The following CNTNAP2 variants were observed in gnomAD, a reference collection of about 807,000 sequenced individuals.
The protein encoded by CNTNAP2 is contactin-associated protein-like 2.
CNTNAP2 carries 98 observed loss-of-function variants against 155.2 expected under a neutral mutation model. The ratio of observed to expected loss-of-function variants is 0.63; its 90% CI spans 0.54 to 0.75. CNTNAP2 has a LOEUF of 0.75. Among genes scored for constraint, CNTNAP2 ranks in the 30% least tolerant of loss-of-function variants. The pLI is 0.00. For missense variants in CNTNAP2, 1,727 were observed against 1,688.1 expected (o/e 1.02, Z -0.40); for synonymous variants, 651 against 631.2 (o/e 1.03, Z -0.47).
At chr7:147,809,398 G>A (rs760581275) in intron 13 of CNTNAP2, among the ~76,000 whole-genome samples, 9 of 152,168 alleles carry the variant, frequency 5.9e-5, no homozygotes, top group African/African-American at 1.9e-4. Context: ...ATAGTGAAAG[G>A]TGCATTTTTT....
intron 8 of CNTNAP2, among the ~76,000 whole-genome samples, chr7:147,166,471 A>G (rs917220397): frequency 3.9e-5 from 6 of 152,126 alleles, no homozygotes; most frequent in African/African-American, 1.4e-4. Flanking sequence ...GTGCACCAAA[A>G]TCTCACAAAT....
chr7:147,307,096 G>A (rs867288908), intron 9 of CNTNAP2, among the ~76,000 whole-genome samples: 2 of 152,150 alleles, frequency 1.3e-5, no homozygotes, highest in African/African-American at 4.8e-5. Flanking sequence ...TGAAGCATAA[G>A]CTTAAAACCA....
chr7:148,342,154 T>C (rs1379115098), intron 21 of CNTNAP2, among the ~76,000 whole-genome samples: 1 of 152,248 alleles, frequency 6.6e-6, no homozygotes, highest in Non-Finnish European at 1.5e-5. Context: ...TCTGCTGCGG[T>C]GGTTTATCAT....
At chr7:147,757,249 T>C (rs1487746756) in intron 13 of CNTNAP2, among the ~76,000 whole-genome samples, 1 of 152,230 alleles carries the variant, frequency 6.6e-6, no homozygotes, top group Non-Finnish European at 1.5e-5. Flanking sequence ...CCTAACTCTT[T>C]GCTTGCCTGA....
chr7:146,527,196 C>T (rs2129138399), intron 1 of CNTNAP2, among the ~76,000 whole-genome samples: 1 of 152,128 alleles, frequency 6.6e-6, no homozygotes, highest in East Asian at 1.9e-4. Flanking sequence ...GAAAGCTCCA[C>T]AATTGGAATC....
At chr7:147,798,381 C>A (rs1331255047) in intron 13 of CNTNAP2, among the ~76,000 whole-genome samples, 2 of 152,090 alleles carry the variant, frequency 1.3e-5, no homozygotes, top group Non-Finnish European at 2.9e-5. Context: ...CCAAATAAAA[C>A]TGACTTAAAA....
chr7:147,310,259 G>T (rs1452142290), intron 9 of CNTNAP2, among the ~76,000 whole-genome samples: 1 of 152,018 alleles, frequency 6.6e-6, no homozygotes, highest in African/African-American at 2.4e-5. Context: ...CAGATTTAAG[G>T]AATGATTACA....
chr7:148,194,858 T>C (rs1266914073), intron 18 of CNTNAP2, among the ~76,000 whole-genome samples: 1 of 152,190 alleles, frequency 6.6e-6, no homozygotes, highest in Admixed American at 6.5e-5. Flanking sequence ...TCTACTATAC[T>C]CAGCCTACTG....
intron 1 of CNTNAP2, among the ~76,000 whole-genome samples, chr7:146,157,643 C>T (rs1426085571): frequency 6.6e-6 from 1 of 152,124 alleles, no homozygotes; most frequent in East Asian, 1.9e-4. Context: ...ACTGCTAGCA[C>T]AGCAGTCTGA....
intron 8 of CNTNAP2, among the ~76,000 whole-genome samples, chr7:147,260,533 T>C (rs185382215): frequency 2.6e-5 from 4 of 152,284 alleles, no homozygotes; most frequent in Admixed American, 2.6e-4. Flanking sequence ...ATGCATGAGA[T>C]GACAAATGGA....
intron 13 of CNTNAP2, among the ~76,000 whole-genome samples, chr7:147,756,422 T>C (rs558895374): frequency 1.3e-5 from 2 of 152,348 alleles, no homozygotes; most frequent in Admixed American, 6.5e-5. Context: ...TGCATTTGTG[T>C]AGACATCTTG....
chr7:147,088,502 T>C (rs951512342), intron 4 of CNTNAP2, among the ~76,000 whole-genome samples: 2 of 152,180 alleles, frequency 1.3e-5, no homozygotes, highest in African/African-American at 4.8e-5. Context: ...ACTATATTAT[T>C]TACAAGACAA....
intron 8 of CNTNAP2, among the ~76,000 whole-genome samples, chr7:147,171,317 T>G (rs1455408629): frequency 6.6e-6 from 1 of 152,152 alleles, no homozygotes; most frequent in Non-Finnish European, 1.5e-5. Flanking sequence ...TCTGAAGATC[T>G]TTTTAAATTA....
intron 15 of CNTNAP2, among the ~76,000 whole-genome samples, chr7:148,018,584 A>G (rs190325439): frequency 1.1e-4 from 16 of 152,328 alleles, no homozygotes; most frequent in Admixed American, 8.5e-4. Context: ...TTATGGATGA[A>G]ACTACAGTGA....
At chr7:148,086,512 A>G (rs1803731798) in intron 15 of CNTNAP2, among the ~76,000 whole-genome samples, 1 of 152,220 alleles carries the variant, frequency 6.6e-6, no homozygotes, top group African/African-American at 2.4e-5. Flanking sequence ...TCAATATGCA[A>G]AACTCTCACA....
intron 1 of CNTNAP2, among the ~76,000 whole-genome samples, chr7:146,198,889 A>G (rs752936531): frequency 2.0e-5 from 3 of 152,118 alleles, no homozygotes; most frequent in Non-Finnish European, 2.9e-5. Flanking sequence ...TTATTAGTAT[A>G]TATTGAAGAT....
chr7:147,840,460 G>A (rs968804002), intron 13 of CNTNAP2, among the ~76,000 whole-genome samples: 1 of 152,176 alleles, frequency 6.6e-6, no homozygotes, highest in African/African-American at 2.4e-5. Context: ...AGTTACTGCA[G>A]CATGTCCAGG....
At chr7:148,198,536 C>G (rs534920942) in intron 18 of CNTNAP2, among the ~76,000 whole-genome samples, 2 of 152,330 alleles carry the variant, frequency 1.3e-5, no homozygotes, top group East Asian at 3.9e-4. Flanking sequence ...ATAACTACAT[C>G]CCTGCTCTAC....
chr7:146,787,111 A>G (rs1055034552), intron 2 of CNTNAP2, among the ~76,000 whole-genome samples: 1 of 152,102 alleles, frequency 6.6e-6, no homozygotes, highest in African/African-American at 2.4e-5. Context: ...TTTTGTTTTC[A>G]ACCCTCTGCT....
Sources: allele counts gnomAD v4.1 joint callset (sites outside exome capture counted in the v4.1 genomes callset), GRCh38; gene constraint gnomAD v4.1.1; transcripts MANE v1.5; gene names NCBI Gene and HGNC (gene_info 2026-07-23, HGNC 2026-07-21).